CCDC40: variants seen among roughly 807,000 people sequenced by gnomAD.
CCDC40 encodes coiled-coil domain-containing protein 40.
Under a neutral mutation model 124.5 loss-of-function variants are expected in CCDC40, and 104 were observed. That is an observed-to-expected ratio of 0.84 (90% CI 0.71 to 0.98). The LOEUF is 0.98. CCDC40 is among the 50% of genes least tolerant of loss of function. The pLI is 0.00. For synonymous variants in CCDC40, 580 were observed against 602.9 expected (o/e 0.96, Z 0.56); for missense variants, 1,463 against 1,503.9 (o/e 0.97, Z 0.45).
intron 10 of CCDC40, chr17:80,067,705 C>T: frequency 1.3e-6 from 2 of 1,528,700 alleles, no homozygotes; most frequent in East Asian, 4.9e-5. Context: ...TGCTATATAG[C>T]CTTTTTTATA....
chr17:80,091,298 A>G (rs1229921491), intron 17 of CCDC40, among the ~76,000 whole-genome samples: 3 of 138,382 alleles, frequency 2.2e-5, no homozygotes, highest in Non-Finnish European at 3.1e-5. Context: ...CAGAACCAGT[A>G]GACTACACAC....
intron 16 of CCDC40, chr17:80,088,516 C>T (rs141293011): frequency 0.043 from 12,952 of 297,946 alleles, 349 homozygotes; most frequent in Middle Eastern, 0.064. Flanking sequence ...CCTCCCAAAG[C>T]GCTGGGATTA....
intron 10 of CCDC40, among the ~76,000 whole-genome samples, chr17:80,079,879 C>T (rs959652074): frequency 2.7e-5 from 4 of 150,926 alleles, no homozygotes; most frequent in Admixed American, 2.6e-4. Flanking sequence ...CAGCCGAGAT[C>T]GCGCCACTGT....
At chr17:80,096,523 A>C (rs1598555215) in intron 18 of CCDC40, among the ~76,000 whole-genome samples, 1 of 150,922 alleles carries the variant, frequency 6.6e-6, no homozygotes, top group African/African-American at 2.4e-5. Flanking sequence ...GCCCCTGACC[A>C]CTCCTTGCTG....
At chr17:80,061,629 C>T (rs2037898944) in intron 9 of CCDC40, among the ~76,000 whole-genome samples, 1 of 152,224 alleles carries the variant, frequency 6.6e-6, no homozygotes, top group African/African-American at 2.4e-5. Context: ...GCCGCCCGCA[C>T]TTCCTTCATT....
chr17:80,039,888 C>T lies in CCDC40; in HGVS notation c.170C>T (p.Thr57Ile). The change falls in exon 3 of 20, where the codon ACA becomes ATA. Residue 57 changes from threonine to isoleucine, a missense_variant. Coordinates refer to ENST00000397545, the MANE Select transcript of CCDC40 (RefSeq NM_017950.4). ...AGCACAGAGCATCCTGAGGAAGTCA[C>T]AACCCAAGCGGAAGCTGCAATTGAA... ...VGSTEHPEEV[T>I]TQAEAAIEEG... The T allele has an allele frequency of 4.3e-6, 7 of 1,613,830 alleles. No homozygotes were observed. Among genetic ancestry groups the T allele is most frequent in the Non-Finnish European group, 5.9e-6 (7 of 1,179,948 alleles).
Position 80,048,763 on chromosome 17 carries a change from T to TA in CCDC40, c.855+4dup. On this transcript the variant is annotated splice_region_variant and intron_variant, in intron 5 of 19. Coordinates refer to ENST00000397545, the MANE Select transcript of CCDC40 (RefSeq NM_017950.4). The stretch of plus-strand genomic sequence containing the variant: ...CTGGTGGTTTTGGACCCAGACCACG[T>TA]AAGGAAGCCTTCCCAGGTTTTGCTT... 1 of 1,605,558 alleles carries TA rather than the reference T, an allele frequency of 6.2e-7. No individual in the cohort carries two copies. Among genetic ancestry groups the TA allele is most frequent in the Admixed American group, 1.7e-5 (1 of 58,438 alleles).
At chr17:80,047,923 G>A (rs979792238) in intron 4 of CCDC40, among the ~76,000 whole-genome samples, 3 of 152,246 alleles carry the variant, frequency 2.0e-5, no homozygotes, top group East Asian at 1.9e-4. Flanking sequence ...ACCTGCAGCC[G>A]GTCCAAACCT....
At position 80,087,160 on chromosome 17, in the gene CCDC40, A is replaced by G. The variant is rs1386639013; in HGVS notation, c.2450-447A>G. 3 of 247,694 alleles carry G rather than the reference A, an allele frequency of 1.2e-5. No homozygotes were observed. The highest frequency in any genetic ancestry group is 4.8e-5 in the Admixed American group (1 of 20,658). 15.3% of individuals were successfully genotyped at this position (247,694 alleles called of 1,614,324 possible). ...CCCTCCACCCATCTTAACATCAAGAAGAGCTGTTGTTTTCTGCCCCTACCC... is the reference window on the plus strand; with the variant it reads ...CCCTCCACCCATCTTAACATCAAGAGGAGCTGTTGTTTTCTGCCCCTACCC... On this transcript the variant is annotated intron_variant, in intron 14 of 19. Coordinates refer to ENST00000397545, the MANE Select transcript of CCDC40 (RefSeq NM_017950.4). The surrounding 1 kb of genome is among the most constrained non-coding windows in gnomAD (Gnocchi z 4.5).
rs1292612508 is a variant in CCDC40, at chr17:80,100,370, G to A, written c.*595G>A. 4 of 165,940 alleles carry A rather than the reference G, an allele frequency of 2.4e-5. No individual in the cohort carries two copies. The highest frequency in any genetic ancestry group is 9.6e-5 in the African/African-American group (4 of 41,682). The allele number at this position is 165,940 out of a possible 1,614,324, so 10.3% of individuals were successfully genotyped here. On this transcript the variant is annotated 3_prime_UTR_variant, in exon 20 of 20. Transcript: ENST00000397545. Reference sequence around the variant, plus strand: ...TTGCAGGAGAAAGTCAGTGGCCCCAGACACACGTAACAGGGTGAGCACTGA... The same window carrying A: ...TTGCAGGAGAAAGTCAGTGGCCCCAAACACACGTAACAGGGTGAGCACTGA...
chr17:80,084,823 A>C lies in CCDC40; in HGVS notation c.2070A>C (p.Ala690=), dbSNP rs758677009. ...CACACACCAGCAGCAGGCTGGACGC[A>C]CACCAGAAGACCCTGGTGGAGCTGG... ...DITHTSSRLD[A]HQKTLVELDQ... Residue 690 remains alanine, a synonymous_variant, in exon 13 of 20, where the codon GCA becomes GCC. Coordinates refer to ENST00000397545, the MANE Select transcript of CCDC40 (RefSeq NM_017950.4). 4 of 1,614,164 alleles carry C rather than the reference A, an allele frequency of 2.5e-6. No homozygotes were observed. The East Asian group carries it at 6.7e-5, about 27-fold the overall frequency.
chr17:80,084,618 C>T (rs2038534700), intron 12 of CCDC40, 125 bp from the exon 13 acceptor site: 9 of 1,175,886 alleles, frequency 7.7e-6, no homozygotes, highest in Non-Finnish European at 8.6e-6. Context: ...CTCCTGCACT[C>T]GTGACTGTGC....
At chr17:80,067,270 G>A in intron 10 of CCDC40, 1 of 497,732 alleles carries the variant, frequency 2.0e-6, no homozygotes, top group South Asian at 2.8e-5. Context: ...CTTCCTTTTG[G>A]TTGCAAACAT....
At chr17:80,038,318 G>T in intron 2 of CCDC40, 132 bp downstream of exon 2, 1 of 650,846 alleles carries the variant, frequency 1.5e-6, no homozygotes, top group South Asian at 1.5e-5. Context: ...ATCACATGAG[G>T]TTAGGAGTTT....
intron 9 of CCDC40, among the ~76,000 whole-genome samples, chr17:80,061,662 A>G (rs984008818): frequency 6.6e-6 from 1 of 152,200 alleles, no homozygotes; most frequent in East Asian, 1.9e-4. Context: ...TACCCAGAAC[A>G]GTGCGGGGGC....
At chr17:80,067,760 A>G in intron 10 of CCDC40, 1 of 1,486,490 alleles carries the variant, frequency 6.7e-7, no homozygotes, top group East Asian at 2.5e-5. Context: ...GGTATTGCTA[A>G]GTAGGATTGT....
intron 13 of CCDC40, 125 bp downstream of exon 13, chr17:80,085,113 C>A (rs551895525): frequency 3.2e-6 from 4 of 1,261,272 alleles, no homozygotes; most frequent in Admixed American, 4.0e-5. Flanking sequence ...TCTTTCCCTA[C>A]CTGCTTTACA....
chr17:80,047,327 C>T lies in CCDC40; in HGVS notation c.601C>T (p.Gln201Ter). Reference protein sequence around the residue: ...PQGQVLPMGVQHRFRLSHGSD... With the variant: ...PQGQVLPMGV ...GGGGCAGGTGCTCCCAATGGGCGTC[C>T]AGCACCGCTTCCGGCTGAGCCACGG... Residue 201 changes from glutamine to a stop codon, truncating the protein, a stop_gained, in exon 4 of 20, where the codon CAG becomes TAG. Transcript: ENST00000397545. LOFTEE classifies it high-confidence loss of function. 1.9e-6 allele frequency: 3 copies of T among 1,613,886 alleles called. No homozygotes were observed. Among genetic ancestry groups the T allele is most frequent in the Non-Finnish European group, 2.5e-6 (3 of 1,179,864 alleles).
intron 10 of CCDC40, 106 bp from the exon 11 acceptor site, chr17:80,081,440 G>A: frequency 8.9e-7 from 1 of 1,123,044 alleles, no homozygotes; most frequent in Non-Finnish European, 1.4e-6. Flanking sequence ...TTATTTCTCT[G>A]TGCATTGAGT....
Sources: gnomAD v4.1 joint callset for allele counts (sites outside exome capture counted in the v4.1 genomes callset) on GRCh38, gnomAD v4.1.1 for gene constraint, Gnocchi (gnomAD v3.1) non-coding constraint, MANE v1.5 for transcripts, NCBI Gene and HGNC (gene_info 2026-07-23, HGNC 2026-07-21) for gene names.